Variants in CFAP299 observed in about 807,000 individuals in gnomAD.
The protein encoded by CFAP299 is cilia and flagella associated protein 299, also known as cilia- and flagella-associated protein 299.
Under a neutral mutation model 27.0 loss-of-function variants are expected in CFAP299, and 21 were observed. That is an observed-to-expected ratio of 0.78 (90% CI 0.55 to 1.12). The LOEUF is 1.12. Ranked by LOEUF, CFAP299 falls within the 50% of genes most tolerant of loss-of-function variation. CFAP299 has a pLI of 0.00. For missense variants in CFAP299, 310 were observed against 276.6 expected, an observed-to-expected ratio of 1.12 and a Z score of -0.86; for synonymous variants, 104 against 98.1, an observed-to-expected ratio of 1.06 and a Z score of -0.36.
chr4:80,514,051 C>G (rs76309737), intron 2 of CFAP299, among the ~76,000 whole-genome samples: 3 of 152,036 alleles, frequency 2.0e-5, no homozygotes, highest in Non-Finnish European at 4.4e-5. Flanking sequence ...GAAAGCCTAT[C>G]AGTGATCATT....
At chr4:80,933,817 C>T (rs1426409197) in intron 4 of CFAP299, among the ~76,000 whole-genome samples, 1 of 151,944 alleles carries the variant, frequency 6.6e-6, no homozygotes, top group Non-Finnish European at 1.5e-5. Flanking sequence ...TTAATTATAA[C>T]AATATTTTGG....
intron 4 of CFAP299, among the ~76,000 whole-genome samples, chr4:80,897,279 G>C (rs931813829): frequency 2.0e-5 from 3 of 152,148 alleles, no homozygotes; most frequent in South Asian, 2.1e-4. Flanking sequence ...ATGAAATTCA[G>C]TAATTATATA....
chr4:80,924,027 G>A (rs1736175900), intron 4 of CFAP299, among the ~76,000 whole-genome samples: 1 of 151,964 alleles, frequency 6.6e-6, no homozygotes, highest in African/African-American at 2.4e-5. Context: ...TGCAGGAAGG[G>A]AGAGATGAAA....
At chr4:80,491,950 A>T (rs541635091) in intron 2 of CFAP299, among the ~76,000 whole-genome samples, 1 of 152,306 alleles carries the variant, frequency 6.6e-6, no homozygotes, top group African/African-American at 2.4e-5. Context: ...TGAATAGGAA[A>T]CTTTTGTCAC....
intron 2 of CFAP299, among the ~76,000 whole-genome samples, chr4:80,465,675 G>GA (rs1477285378): frequency 2.0e-5 from 3 of 152,008 alleles, no homozygotes; most frequent in Non-Finnish European, 2.9e-5. Flanking sequence ...GAGTGAAAGA[G>GA]AAAAAAACCA....
chr4:80,854,677 A>G (rs1404206289), intron 3 of CFAP299, among the ~76,000 whole-genome samples: 1 of 152,058 alleles, frequency 6.6e-6, no homozygotes, highest in East Asian at 1.9e-4. Flanking sequence ...AATGTGAGAA[A>G]GGGTGTTCGT....
At chr4:80,864,938 A>G (rs1732635473) in intron 3 of CFAP299, among the ~76,000 whole-genome samples, 1 of 152,146 alleles carries the variant, frequency 6.6e-6, no homozygotes, top group Admixed American at 6.5e-5. Context: ...ATGTATTACT[A>G]ACTTACCAGT....
At chr4:80,931,534 G>A (rs1279865585) in intron 4 of CFAP299, among the ~76,000 whole-genome samples, 2 of 152,046 alleles carry the variant, frequency 1.3e-5, no homozygotes. Flanking sequence ...TCTCACTCAG[G>A]TCTTAACCCT....
At chr4:80,793,382 T>C (rs920004002) in intron 3 of CFAP299, among the ~76,000 whole-genome samples, 3 of 152,086 alleles carry the variant, frequency 2.0e-5, no homozygotes, top group African/African-American at 7.2e-5. Context: ...CCCACCCAGA[T>C]TAATGGTGTA....
intron 3 of CFAP299, among the ~76,000 whole-genome samples, chr4:80,732,066 CACAG>C (rs374445798): frequency 0.036 from 4,872 of 135,536 alleles, 260 homozygotes; most frequent in African/African-American, 0.13. Context: ...CACACAGACA[CACAG>C]ACACACACAC....
At chr4:80,508,396 A>AT (rs1732134599) in intron 2 of CFAP299, among the ~76,000 whole-genome samples, 1 of 152,098 alleles carries the variant, frequency 6.6e-6, no homozygotes, top group African/African-American at 2.4e-5. Context: ...CATATAAATA[A>AT]TTTTTGTGTT....
intron 3 of CFAP299, among the ~76,000 whole-genome samples, chr4:80,726,534 T>C (rs911823198): frequency 6.6e-6 from 1 of 152,004 alleles, no homozygotes; most frequent in African/African-American, 2.4e-5. Flanking sequence ...TATCAAATAA[T>C]GGTTAATAAT....
intron 2 of CFAP299, among the ~76,000 whole-genome samples, chr4:80,389,906 T>G (rs1479472934): frequency 6.6e-6 from 1 of 152,162 alleles, no homozygotes; most frequent in African/African-American, 2.4e-5. Flanking sequence ...GAATTGAAAT[T>G]GAAGCATAGT....
rs143307388 is a variant in CFAP299, at chr4:80,823,923, A to C, written c.334-46070A>C. 1.2e-3 allele frequency among the ~76,000 whole-genome samples: 188 copies of C among 152,314 alleles called. 1 individual carries two copies. Among genetic ancestry groups the C allele is most frequent in the African/African-American group, 4.2e-3 (174 of 41,576 alleles). On this transcript the variant is annotated intron_variant, in intron 3 of 5. Transcript: ENST00000358105. Reference sequence around the variant, plus strand: ...TGAACCTGCTGTGTAAGGGTTTGCTATAATTTTTTTAATGTTTCAAATTTA... The same window carrying C: ...TGAACCTGCTGTGTAAGGGTTTGCTCTAATTTTTTTAATGTTTCAAATTTA...
intron 2 of CFAP299, among the ~76,000 whole-genome samples, chr4:80,575,433 T>C (rs1043689840): frequency 6.6e-6 from 1 of 151,914 alleles, no homozygotes; most frequent in African/African-American, 2.4e-5. Context: ...TCGTGTGATC[T>C]TCCCACCTCA....
At chr4:80,735,622 T>C (rs1418836731) in intron 3 of CFAP299, among the ~76,000 whole-genome samples, 1 of 152,136 alleles carries the variant, frequency 6.6e-6, no homozygotes, top group Non-Finnish European at 1.5e-5. Flanking sequence ...CTATATCCAG[T>C]TTTTTAAGAG....
intron 3 of CFAP299, among the ~76,000 whole-genome samples, chr4:80,801,523 T>C (rs533205809): frequency 6.6e-6 from 1 of 152,188 alleles, no homozygotes; most frequent in East Asian, 1.9e-4. Context: ...AATTCACATA[T>C]ATAAGAGAGA....
chr4:80,400,938 G>A (rs936636599), intron 2 of CFAP299, among the ~76,000 whole-genome samples: 1 of 152,186 alleles, frequency 6.6e-6, no homozygotes, highest in Non-Finnish European at 1.5e-5. Flanking sequence ...TGAGCAACTT[G>A]TTGGGATCTG....
intron 3 of CFAP299, among the ~76,000 whole-genome samples, chr4:80,731,869 C>T (rs1411769029): frequency 6.6e-6 from 1 of 152,158 alleles, no homozygotes; most frequent in Non-Finnish European, 1.5e-5. Context: ...CACCAACCCT[C>T]AACATGGCCC....
Sources: allele counts gnomAD v4.1 joint callset (sites outside exome capture counted in the v4.1 genomes callset), GRCh38; gene constraint gnomAD v4.1.1; transcripts MANE v1.5; gene names NCBI Gene and HGNC (gene_info 2026-07-23, HGNC 2026-07-21).